NUTM2B: variants seen among roughly 807,000 people sequenced by gnomAD.
NUTM2B encodes the protein NUT family member 2B, also known as family with sequence similarity 22, member B.
Under a neutral mutation model 42.4 loss-of-function variants are expected in NUTM2B, and 2 were observed. The observed-to-expected ratio is 0.05, with a 90% confidence interval of 0.02 to 0.15. The LOEUF (loss-of-function observed/expected upper bound fraction) is 0.15, where lower values mean the gene tolerates loss of function less well. NUTM2B is among the 10% of genes least tolerant of loss of function. The pLI, the probability that NUTM2B is intolerant of heterozygous loss-of-function variation, is 1.00. For synonymous variants in NUTM2B, 18 were observed against 402.4 expected (o/e 0.04, Z 11.43); for missense variants, 58 against 952.6 (o/e 0.06, Z 12.36).
the NUTM2B span, among the ~76,000 whole-genome samples, chr10:79,695,723 T>C: frequency 6.6e-6 from 1 of 151,996 alleles, no homozygotes; most frequent in South Asian, 2.1e-4. Context: ...ACATGGCACA[T>C]GTGACCTCCT....
At chr10:79,712,349 C>A (rs1840515063) in exon 7 of NUTM2B, 1 of 1,418,802 alleles carries the variant, frequency 7.0e-7, no homozygotes, top group Non-Finnish European at 9.4e-7. Context: ...GAAAAGACAC[C>A]CTACCCAGGG....
upstream of NUTM2B, among the ~76,000 whole-genome samples, chr10:79,701,453 C>G (rs1455825890): frequency 6.6e-6 from 1 of 152,022 alleles, no homozygotes; most frequent in Non-Finnish European, 1.5e-5. Flanking sequence ...GTTTGTAATA[C>G]CTTCAGAAGA....
upstream of NUTM2B, among the ~76,000 whole-genome samples, chr10:79,701,285 T>A (rs1314521735): frequency 3.3e-5 from 5 of 152,142 alleles, no homozygotes; most frequent in Non-Finnish European, 5.9e-5. Context: ...TTCAAATGAT[T>A]TCTAGAAATG....
At chr10:79,700,591 C>A (rs996179122), upstream of NUTM2B, among the ~76,000 whole-genome samples, 6 of 152,114 alleles carry the variant, frequency 3.9e-5, no homozygotes, top group African/African-American at 1.2e-4. Flanking sequence ...ACACTGGTGA[C>A]CAGTGGGAGC....
chr10:79,700,793 C>T (rs1174763560), upstream of NUTM2B, among the ~76,000 whole-genome samples: 1 of 152,224 alleles, frequency 6.6e-6, no homozygotes, highest in Admixed American at 6.5e-5. Context: ...TGGAACCTCG[C>T]CCGCCTCAAG....
the NUTM2B span, among the ~76,000 whole-genome samples, chr10:79,694,015 A>C: frequency 1.9e-4 from 29 of 152,226 alleles, no homozygotes; most frequent in Non-Finnish European, 3.8e-4. Context: ...TGGGGTCAGC[A>C]GGTGGACACC....
the NUTM2B span, among the ~76,000 whole-genome samples, chr10:79,693,479 A>C: frequency 6.6e-6 from 1 of 152,242 alleles, no homozygotes; most frequent in Admixed American, 6.5e-5. Context: ...GTGGTGCAGG[A>C]TACATTTCAT....
At chr10:79,700,687 G>T (rs4079811), upstream of NUTM2B, among the ~76,000 whole-genome samples, 2 of 152,072 alleles carry the variant, frequency 1.3e-5, no homozygotes, top group African/African-American at 2.4e-5. Flanking sequence ...AGCGAAGGCC[G>T]GTGGGTCACC....
rs381906 is a variant in NUTM2B at position 79,705,121 on chromosome 10, A to C, written c.383-921A>C. ...TGGTTGGTCACTATGTTCAGTTATT[A>C]GGAGCTCAAAGGAGAAGGGCCAGGG... On this transcript the variant is annotated intron_variant, in intron 1 of 6. Transcript: ENST00000429828. 2.4e-5 allele frequency among the ~76,000 whole-genome samples: 3 copies of C among 126,282 alleles called. 1 individual carries two copies. The highest frequency in any genetic ancestry group is 5.0e-5 in the Non-Finnish European group (3 of 60,074). 82.8% of individuals were successfully genotyped at this position (126,282 alleles called of 152,430 possible). A position where few individuals can be genotyped will look rare whatever the true frequency, so the allele number is the denominator to read the frequency against.
At chr10:79,700,838 C>A (rs1840302693), upstream of NUTM2B, among the ~76,000 whole-genome samples, 1 of 152,304 alleles carries the variant, frequency 6.6e-6, no homozygotes, top group African/African-American at 2.4e-5. Context: ...GGCCAGGAGC[C>A]CGCCCTAGGA....
chr10:79,705,596 T>C (rs924905136), intron 1 of NUTM2B, among the ~76,000 whole-genome samples: 4 of 149,428 alleles, frequency 2.7e-5, no homozygotes, highest in African/African-American at 9.9e-5. Context: ...GAAGAGGAGA[T>C]GGGGCCATAA....
intron 3 of NUTM2B, among the ~76,000 whole-genome samples, chr10:79,709,461 T>C (rs1466823857): frequency 7.6e-6 from 1 of 131,512 alleles, no homozygotes; most frequent in Non-Finnish European, 1.6e-5. Flanking sequence ...TCAGGACTCC[T>C]GCATCTGGGC....
At chr10:79,698,175 A>T in the NUTM2B span, among the ~76,000 whole-genome samples, 1 of 149,020 alleles carries the variant, frequency 6.7e-6, no homozygotes, top group African/African-American at 2.5e-5. Flanking sequence ...CAAAAAAAAA[A>T]AAACCACAAA....
chr10:79,709,711 C>G (rs1256909918), intron 3 of NUTM2B, 89 bp from the exon 4 acceptor site: 6 of 526,554 alleles, frequency 1.1e-5, no homozygotes, highest in Non-Finnish European at 3.2e-6. Flanking sequence ...CGAGGCACTC[C>G]CTCCTATCCC....
the NUTM2B span, among the ~76,000 whole-genome samples, chr10:79,696,945 T>C: frequency 2.2e-5 from 3 of 134,560 alleles, no homozygotes; most frequent in East Asian, 2.3e-4. Flanking sequence ...GCTGTCAGAG[T>C]GTACATTCAC....
upstream of NUTM2B, among the ~76,000 whole-genome samples, chr10:79,700,780 C>G (rs1441391519): frequency 6.6e-6 from 1 of 152,212 alleles, no homozygotes; most frequent in Non-Finnish European, 1.5e-5. Context: ...GCCGGCCTCG[C>G]GCTGGAACCT....
At chr10:79,696,987 T>C in the NUTM2B span, among the ~76,000 whole-genome samples, 5 of 126,002 alleles carry the variant, frequency 4.0e-5, no homozygotes, top group East Asian at 1.1e-3. Context: ...TACTTTTACG[T>C]TGGACTCACT....
chr10:79,692,135 G>C, the NUTM2B span: 1 of 151,586 alleles, frequency 6.6e-6, no homozygotes, highest in African/African-American at 2.4e-5. Flanking sequence ...CAAGAGCAGG[G>C]AGCCCATGCT....
upstream of NUTM2B, among the ~76,000 whole-genome samples, chr10:79,699,957 C>A (rs1430512749): frequency 6.6e-6 from 1 of 152,338 alleles, no homozygotes; most frequent in African/African-American, 2.4e-5. Flanking sequence ...ACACACTAAC[C>A]CAACCACCCA....
Sources: gnomAD v4.1 joint callset for allele counts (sites outside exome capture counted in the v4.1 genomes callset) on GRCh38, gnomAD v4.1.1 for gene constraint, MANE v1.5 for transcripts, NCBI Gene and HGNC (gene_info 2026-07-23, HGNC 2026-07-21) for gene names.